CLMP: variants seen among roughly 807,000 people sequenced by gnomAD.
CLMP encodes the protein CXADR-like membrane protein.
A neutral mutation model predicts 45.2 loss-of-function variants in CLMP; 27 were observed. The observed-to-expected ratio is 0.60, with a 90% CI of 0.44 to 0.82. The LOEUF is 0.82. Ranked by LOEUF, CLMP falls within the 40% of genes least tolerant of loss-of-function variation. The pLI, the probability that CLMP is intolerant of heterozygous loss-of-function variation, is 0.00. For missense variants in CLMP, 403 were observed against 448.4 expected (o/e 0.90, Z 0.91); for synonymous variants, 167 against 171.4 (o/e 0.97, Z 0.20).
chr11:123,134,065 G>C (rs1861031741), intron 1 of CLMP, among the ~76,000 whole-genome samples: 1 of 152,066 alleles, frequency 6.6e-6, no homozygotes, highest in Admixed American at 6.6e-5. Flanking sequence ...TTCAAGACCA[G>C]TCTGGCCAAC....
chr11:123,084,529 A>G lies in CLMP; in HGVS notation c.371T>C (p.Val124Ala), dbSNP rs587776967. The stretch of plus-strand genomic sequence containing the variant: ...TATCTTACCTAAGACTTTTAAGATG[A>G]CATGGCTCCACACGTAGCGCCCTGA... ...KNSGRYVWSHVILKVLVRPSK... is the reference protein window; with the variant it reads ...KNSGRYVWSHAILKVLVRPSK... Residue 124 changes from valine to alanine, a missense_variant, in exon 3 of 7, where the codon GTC (valine) becomes GCC (alanine). Physicochemically the swap from Val to Ala is moderately conservative, Grantham distance 64. Transcript: ENST00000448775. 3 of 1,614,112 alleles carry G rather than the reference A, an allele frequency of 1.9e-6. No homozygotes were observed. The East Asian group carries it at 6.7e-5, about 36-fold the overall frequency.
At position 123,074,806 on chromosome 11, in the gene CLMP, T is replaced by C. The variant is rs755739277; in HGVS notation, c.717A>G (p.Thr239=). The C allele has an allele frequency of 1.9e-6, 3 of 1,614,138 alleles. No individual in the cohort carries two copies. Among genetic ancestry groups the C allele is most frequent in the Non-Finnish European group, 2.5e-6 (3 of 1,179,992 alleles). ...QSIGMVAGAV[T]GIVAGALLIF... is the part of the protein sequence containing the mutation. Reference sequence around the variant, plus strand: ...TCAGCAGGGCTCCAGCCACTATGCCTGTCACTGCTCCTGCAACCATGCCGA... The same window carrying C: ...TCAGCAGGGCTCCAGCCACTATGCCCGTCACTGCTCCTGCAACCATGCCGA... Residue 239 remains threonine, a synonymous_variant, in exon 6 of 7, where the codon ACA becomes ACG. Coordinates refer to ENST00000448775, the MANE Select transcript of CLMP (RefSeq NM_024769.5).
rs1384921496 is a variant in CLMP, at chr11:123,111,454, TGACTTTTCAAGATTGTTGAAGG to T, written c.29-13524_29-13503del. ...CCATAGTTTTGTTCCATTATTAACA[TGACTTTTCAAGATTGTTGAAGG>T]GACTTTTCAAGATTGTTGAAGCGCT... On this transcript the variant is annotated intron_variant, in intron 1 of 6. Coordinates refer to ENST00000448775, the MANE Select transcript of CLMP (RefSeq NM_024769.5). Among the ~76,000 whole-genome samples, 7 of 152,296 alleles carry T rather than the reference TGACTTTTCAAGATTGTTGAAGG, an allele frequency of 4.6e-5. No individual in the cohort carries two copies. The East Asian group carries it at 9.6e-4, about 21-fold the overall frequency.
intron 1 of CLMP, among the ~76,000 whole-genome samples, chr11:123,146,079 T>A (rs1379076938): frequency 6.6e-6 from 1 of 152,176 alleles, no homozygotes; most frequent in Non-Finnish European, 1.5e-5. Flanking sequence ...ATTTTATAGA[T>A]GGGGATGTTC....
intron 1 of CLMP, among the ~76,000 whole-genome samples, chr11:123,101,184 C>T (rs369638394): frequency 6.6e-5 from 10 of 152,224 alleles, no homozygotes; most frequent in African/African-American, 2.2e-4. Flanking sequence ...TCTCAGCTCA[C>T]TGCGACCTCT....
intron 1 of CLMP, among the ~76,000 whole-genome samples, chr11:123,163,548 C>T (rs1171941372): frequency 1.3e-5 from 2 of 152,174 alleles, no homozygotes; most frequent in Non-Finnish European, 2.9e-5. Context: ...GGACCAGCAG[C>T]AGTACCTGGG....
At chr11:123,125,525 TCCCTTCCCTC>T (rs1475470274) in intron 1 of CLMP, among the ~76,000 whole-genome samples, 4 of 89,474 alleles carry the variant, frequency 4.5e-5, no homozygotes, top group Non-Finnish European at 8.8e-5. Flanking sequence ...TCCCTTCCCT[TCCCTTCCCTC>T]CCCTTCCCTC....
At chr11:123,151,794 T>C (rs1861340263) in intron 1 of CLMP, among the ~76,000 whole-genome samples, 1 of 152,214 alleles carries the variant, frequency 6.6e-6, no homozygotes, top group Non-Finnish European at 1.5e-5. Flanking sequence ...GCTTATTTCA[T>C]AGCATGTTCA....
intron 1 of CLMP, among the ~76,000 whole-genome samples, chr11:123,121,784 C>G (rs932836703): frequency 6.6e-6 from 1 of 152,180 alleles, no homozygotes; most frequent in Non-Finnish European, 1.5e-5. Context: ...TCAGTTACCT[C>G]TCTTCCACCT....
At position 123,105,228 on chromosome 11, in the gene CLMP, T is replaced by C. The variant is rs146935809; in HGVS notation, c.29-7276A>G. On this transcript the variant is annotated intron_variant, in intron 1 of 6. Transcript: ENST00000448775. ...CACATAGGAGTCTCCCATTAAAATG[T>C]TAGTTCTCTTCCCCTGCTCATCTCT... 1.1e-3 allele frequency among the ~76,000 whole-genome samples: 172 copies of C among 152,314 alleles called. 1 individual carries two copies. Among genetic ancestry groups the C allele is most frequent in the African/African-American group, 3.6e-3 (150 of 41,576 alleles).
At chr11:123,154,166 G>T (rs541747736) in intron 1 of CLMP, among the ~76,000 whole-genome samples, 1 of 152,102 alleles carries the variant, frequency 6.6e-6, no homozygotes, top group East Asian at 1.9e-4. Flanking sequence ...ATGGCAAGAC[G>T]GAGTCAATGC....
At chr11:123,150,499 G>GAA (rs1861311279) in intron 1 of CLMP, among the ~76,000 whole-genome samples, 1 of 119,720 alleles carries the variant, frequency 8.4e-6, no homozygotes. Context: ...AAGGAAGGAA[G>GAA]GAAGGAAGGA....
At chr11:123,173,237 A>G (rs1861659385) in intron 1 of CLMP, among the ~76,000 whole-genome samples, 1 of 152,254 alleles carries the variant, frequency 6.6e-6, no homozygotes, top group African/African-American at 2.4e-5. Context: ...TGCTGATATG[A>G]CAGCATGTGT....
intron 1 of CLMP, among the ~76,000 whole-genome samples, chr11:123,110,251 C>G (rs1443668521): frequency 6.6e-6 from 1 of 151,976 alleles, no homozygotes; most frequent in African/African-American, 2.4e-5. Context: ...GTCAGGAGTT[C>G]GAGACCAGCC....
chr11:123,155,015 G>T (rs1395234660), intron 1 of CLMP, among the ~76,000 whole-genome samples: 3 of 152,128 alleles, frequency 2.0e-5, no homozygotes, highest in African/African-American at 7.2e-5. Flanking sequence ...TTGAGACAGG[G>T]TCTCATTCTG....
chr11:123,174,962 T>C (rs1861678763), intron 1 of CLMP, among the ~76,000 whole-genome samples: 2 of 152,268 alleles, frequency 1.3e-5, no homozygotes, highest in South Asian at 4.1e-4. Context: ...AGCTTTTCTT[T>C]GGTGTTTTAG....
intron 1 of CLMP, among the ~76,000 whole-genome samples, chr11:123,162,650 C>T (rs1354867327): frequency 6.6e-6 from 1 of 151,814 alleles, no homozygotes; most frequent in Non-Finnish European, 1.5e-5. Flanking sequence ...AATCCAAGCA[C>T]TTTGGGAGGT....
chr11:123,121,161 C>T (rs530767334), intron 1 of CLMP, among the ~76,000 whole-genome samples: 5 of 148,128 alleles, frequency 3.4e-5, no homozygotes, highest in African/African-American at 9.9e-5. Flanking sequence ...TTTGGATATG[C>T]TGAGAATGAG....
chr11:123,155,728 A>G (rs557907283), intron 1 of CLMP, among the ~76,000 whole-genome samples: 2 of 152,314 alleles, frequency 1.3e-5, no homozygotes, highest in Admixed American at 6.5e-5. Context: ...ATGTCCTTGT[A>G]TAGTCCCTAT....
Sources: allele counts gnomAD v4.1 joint callset (sites outside exome capture counted in the v4.1 genomes callset), GRCh38; gene constraint gnomAD v4.1.1; transcripts MANE v1.5; gene names NCBI Gene and HGNC (gene_info 2026-07-23, HGNC 2026-07-21).